LDLRAD4: variants seen among roughly 807,000 people sequenced by gnomAD.
LDLRAD4 encodes the protein low density lipoprotein receptor class A domain containing 4.
In LDLRAD4, 5 loss-of-function variants were observed where a neutral mutation model predicts 17.0. The observed-to-expected ratio is 0.29, with a 90% confidence interval of 0.15 to 0.62. LDLRAD4 has a LOEUF of 0.62. Ranked by LOEUF, LDLRAD4 falls within the 20% of genes least tolerant of loss-of-function variation. The probability of loss-of-function intolerance (pLI) is 0.84; values close to 1 mark genes in which losing one functional copy is unlikely to be tolerated. For synonymous variants in LDLRAD4, 168 were observed against 171.8 expected (o/e 0.98, Z 0.17); for missense variants, 340 against 424.7 (o/e 0.80, Z 1.75).
chr18:13,448,068 T>A (rs1485882798), intron 3 of LDLRAD4, among the ~76,000 whole-genome samples: 1 of 152,184 alleles, frequency 6.6e-6, no homozygotes, highest in African/African-American at 2.4e-5. Flanking sequence ...TTGACAATTA[T>A]TAGGCATTAG....
intron 3 of LDLRAD4, among the ~76,000 whole-genome samples, chr18:13,481,897 G>T (rs1056678213): frequency 3.3e-5 from 5 of 152,160 alleles, no homozygotes; most frequent in Admixed American, 1.3e-4. Context: ...GAGTTTGCTG[G>T]GCAGGAGGGG....
At position 13,645,060 on chromosome 18, in the gene LDLRAD4, A is replaced by C. The variant is rs2042944922; in HGVS notation, c.391-67A>C. The C allele has an allele frequency of 5.2e-6, 7 of 1,344,362 alleles. No homozygotes were observed. The highest frequency in any genetic ancestry group is 7.1e-6 in the Non-Finnish European group (7 of 980,054). 83.3% of individuals were successfully genotyped at this position (1,344,362 alleles called of 1,614,324 possible). ...CACACACCAAGCGTAACTTTCCTTG[A>C]TTCTGACACATTTATGGTCATCATT... On this transcript the variant is annotated intron_variant, in intron 5 of 5. Coordinates refer to ENST00000359446, the Ensembl canonical transcript of LDLRAD4. The surrounding 1 kb of genome is among the most constrained non-coding windows in gnomAD (Gnocchi z 5.7).
intron 1 of LDLRAD4, among the ~76,000 whole-genome samples, chr18:13,282,517 C>T (rs529886966): frequency 2.8e-4 from 42 of 152,302 alleles, no homozygotes; most frequent in African/African-American, 7.7e-4. Context: ...CAAAATCCAG[C>T]GAGGCAGTCA....
chr18:13,329,030 G>C (rs1275460147), intron 1 of LDLRAD4, among the ~76,000 whole-genome samples: 1 of 152,162 alleles, frequency 6.6e-6, no homozygotes, highest in Non-Finnish European at 1.5e-5. Context: ...TTTTACAGTT[G>C]CATAGTTTTG....
intron 1 of LDLRAD4, among the ~76,000 whole-genome samples, chr18:13,304,650 A>G (rs1311405421): frequency 6.6e-6 from 1 of 152,242 alleles, no homozygotes; most frequent in Non-Finnish European, 1.5e-5. Flanking sequence ...TGTCATGGCA[A>G]CATCAGCCCT....
At chr18:13,460,210 A>G (rs2092364199) in intron 3 of LDLRAD4, among the ~76,000 whole-genome samples, 1 of 152,140 alleles carries the variant, frequency 6.6e-6, no homozygotes, top group Admixed American at 6.5e-5. Context: ...GTTTTTTTTA[A>G]GAGACAGGGC....
At chr18:13,594,471 C>CT (rs937243635) in intron 3 of LDLRAD4, among the ~76,000 whole-genome samples, 2 of 151,808 alleles carry the variant, frequency 1.3e-5, no homozygotes, top group African/African-American at 4.8e-5. Flanking sequence ...GGACGGATCA[C>CT]TTAAGGCCAG....
At chr18:13,462,865 G>A (rs1413243856) in intron 3 of LDLRAD4, among the ~76,000 whole-genome samples, 2 of 152,144 alleles carry the variant, frequency 1.3e-5, no homozygotes, top group Non-Finnish European at 2.9e-5. Flanking sequence ...GGGGCAGCTC[G>A]TGGCCTAGAC....
chr18:13,391,896 A>C (rs1295780310), intron 2 of LDLRAD4, among the ~76,000 whole-genome samples: 1 of 152,198 alleles, frequency 6.6e-6, no homozygotes, highest in Non-Finnish European at 1.5e-5. Flanking sequence ...TAATATTTTC[A>C]TGTACATGTA....
At chr18:13,549,411 G>T (rs761231156) in intron 3 of LDLRAD4, among the ~76,000 whole-genome samples, 2 of 152,128 alleles carry the variant, frequency 1.3e-5, no homozygotes, top group Non-Finnish European at 2.9e-5. Flanking sequence ...TCCCCAGCTG[G>T]GGTGCTGCCC....
intron 1 of LDLRAD4, among the ~76,000 whole-genome samples, chr18:13,252,226 G>A (rs186806951): frequency 6.2e-4 from 94 of 152,320 alleles, no homozygotes; most frequent in Non-Finnish European, 1.1e-3. Flanking sequence ...CTGGGTTCAA[G>A]CAATTCTCCT....
At chr18:13,309,987 A>G (rs2047136705) in intron 1 of LDLRAD4, among the ~76,000 whole-genome samples, 1 of 152,144 alleles carries the variant, frequency 6.6e-6, no homozygotes, top group South Asian at 2.1e-4. Flanking sequence ...CTGTGCGGGC[A>G]GCCTCGGTGA....
intron 1 of LDLRAD4, among the ~76,000 whole-genome samples, chr18:13,250,567 GA>G (rs2043181108): frequency 6.6e-6 from 1 of 152,198 alleles, no homozygotes; most frequent in Admixed American, 6.5e-5. Flanking sequence ...ATGGATACCA[GA>G]GAAATATAAA....
intron 1 of LDLRAD4, among the ~76,000 whole-genome samples, chr18:13,282,575 C>T (rs552421785): frequency 6.6e-5 from 10 of 152,336 alleles, no homozygotes; most frequent in Admixed American, 3.3e-4. Flanking sequence ...GTCTCACATC[C>T]GCGTCACACT....
intron 3 of LDLRAD4, among the ~76,000 whole-genome samples, chr18:13,445,491 G>A (rs534048805): frequency 1.6e-4 from 25 of 152,124 alleles, no homozygotes; most frequent in Middle Eastern, 3.4e-3. Context: ...GGGTGAGTCT[G>A]TGGTGCGTTT....
chr18:13,540,195 T>A (rs1438133746), intron 3 of LDLRAD4, among the ~76,000 whole-genome samples: 3 of 152,260 alleles, frequency 2.0e-5, no homozygotes, highest in African/African-American at 7.2e-5. Context: ...TTGTCTTTTT[T>A]AAAAAATACA....
At chr18:13,633,584 T>C (rs904817330) in intron 4 of LDLRAD4, among the ~76,000 whole-genome samples, 1 of 152,176 alleles carries the variant, frequency 6.6e-6, no homozygotes, top group African/African-American at 2.4e-5. Context: ...GGGGCTGGCA[T>C]ATCAGCGCTG....
At chr18:13,253,246 G>C (rs2043321134) in intron 1 of LDLRAD4, among the ~76,000 whole-genome samples, 2 of 152,192 alleles carry the variant, frequency 1.3e-5, no homozygotes, top group Non-Finnish European at 1.5e-5. Flanking sequence ...GGGGTGGGGG[G>C]TGTGAGGCTG....
intron 1 of LDLRAD4, among the ~76,000 whole-genome samples, chr18:13,321,643 A>G (rs921422562): frequency 1.3e-5 from 2 of 152,112 alleles, no homozygotes; most frequent in Non-Finnish European, 2.9e-5. Flanking sequence ...AGGCGGGTGG[A>G]TCACCTGAGA....
Sources: allele counts gnomAD v4.1 joint callset (sites outside exome capture counted in the v4.1 genomes callset), GRCh38; gene constraint gnomAD v4.1.1; non-coding constraint Gnocchi (gnomAD v3.1); transcripts MANE v1.5; gene names NCBI Gene and HGNC (gene_info 2026-07-23, HGNC 2026-07-21).